Variants in GALNT17 observed in about 807,000 individuals in gnomAD.
The protein encoded by GALNT17 is UDP-GalNAc:polypeptide N-acetylgalactosaminyltransferase-like 3.
In GALNT17, 29 loss-of-function variants were observed where a neutral mutation model predicts 63.7. That is an observed-to-expected ratio of 0.46 (90% CI 0.34 to 0.62). The LOEUF (loss-of-function observed/expected upper bound fraction) is 0.62. Among genes scored for constraint, GALNT17 ranks in the 20% least tolerant of loss-of-function variants. The pLI is 0.01. For synonymous variants in GALNT17, 305 were observed against 318.3 expected, an observed-to-expected ratio of 0.96 and a Z score of 0.45; for missense variants, 603 against 799.6, an observed-to-expected ratio of 0.75 and a Z score of 2.97.
intron 1 of GALNT17, among the ~76,000 whole-genome samples, chr7:71,271,739 C>G (rs576058103): frequency 6.7e-6 from 1 of 149,154 alleles, no homozygotes; most frequent in African/African-American, 2.4e-5. Context: ...AATCACTGAT[C>G]TGTTCTCTAA....
chr7:71,164,639 A>G (rs927854391), intron 1 of GALNT17, among the ~76,000 whole-genome samples: 6 of 152,122 alleles, frequency 3.9e-5, no homozygotes, highest in African/African-American at 7.2e-5. Flanking sequence ...ACGAAATTCA[A>G]TAAGGGGGAA....
At chr7:71,396,965 A>G (rs537268838) in intron 3 of GALNT17, among the ~76,000 whole-genome samples, 252 of 152,140 alleles carry the variant, frequency 1.7e-3, no homozygotes, top group Middle Eastern at 3.4e-3. Flanking sequence ...TTCATGTTGT[A>G]TCCTTTAACT....
intron 5 of GALNT17, among the ~76,000 whole-genome samples, chr7:71,445,973 C>T (rs1238101231): frequency 6.6e-6 from 1 of 152,174 alleles, no homozygotes; most frequent in Non-Finnish European, 1.5e-5. Context: ...AAAAAAATCC[C>T]CTAAATCTTG....
intron 5 of GALNT17, among the ~76,000 whole-genome samples, chr7:71,552,196 C>A (rs1400491094): frequency 6.6e-6 from 1 of 151,984 alleles, no homozygotes; most frequent in East Asian, 1.9e-4. Context: ...AGGAGCATGC[C>A]ACCACACTTG....
At chr7:71,450,043 C>CA (rs35144500) in intron 5 of GALNT17, among the ~76,000 whole-genome samples, 1 of 140,108 alleles carries the variant, frequency 7.1e-6, no homozygotes, top group Admixed American at 7.1e-5. Context: ...AACTCCCTCT[C>CA]AAAAAAAAAA....
At chr7:71,141,099 T>G (rs918434261) in intron 1 of GALNT17, among the ~76,000 whole-genome samples, 3 of 151,464 alleles carry the variant, frequency 2.0e-5, no homozygotes, top group Admixed American at 1.3e-4. Flanking sequence ...CCAGGCGTGG[T>G]GACTCACGCC....
intron 2 of GALNT17, among the ~76,000 whole-genome samples, chr7:71,367,192 C>A (rs2527301): frequency 6.6e-6 from 1 of 152,134 alleles, no homozygotes; most frequent in Non-Finnish European, 1.5e-5. Flanking sequence ...TAATCTTATC[C>A]ATCTACTTCT....
chr7:71,593,193 CAATT>C (rs1789835900), intron 6 of GALNT17, among the ~76,000 whole-genome samples: 1 of 143,598 alleles, frequency 7.0e-6, no homozygotes, highest in South Asian at 2.2e-4. Context: ...TTTTTAAAAA[CAATT>C]AGTTTTGGGA....
At chr7:71,561,680 C>A (rs974644621) in intron 5 of GALNT17, among the ~76,000 whole-genome samples, 10 of 152,214 alleles carry the variant, frequency 6.6e-5, no homozygotes, top group Admixed American at 3.3e-4. Flanking sequence ...AGAACAGAGA[C>A]CAACGGGTGG....
Position 71,265,118 on chromosome 7 carries a change from A to ATATATTTTTT in GALNT17, c.239-70431_239-70430insATATTTTTTT, listed in dbSNP as rs1390488895. 6.9e-4 allele frequency among the ~76,000 whole-genome samples: 26 copies of ATATATTTTTT among 37,444 alleles called. 1 individual carries two copies. The highest frequency in any genetic ancestry group is 3.7e-3 in the South Asian group (3 of 806). 24.6% of individuals were successfully genotyped at this position (37,444 alleles called of 152,430 possible). A position where few individuals can be genotyped will look rare whatever the true frequency, so the allele number is the denominator to read the frequency against. On this transcript the variant is annotated intron_variant, in intron 1 of 10. Transcript: ENST00000333538. ...AAATATTATATATATATATATATAT[A>ATATATTTTTT]TTTTTTTTTTTTTTTTTTTTTTTTT...
rs182441173 is a variant in GALNT17 at position 71,366,447 on chromosome 7, G to C, written c.423-21788G>C. On this transcript the variant is annotated intron_variant, in intron 2 of 10. Transcript: ENST00000333538. ...AATACAAAAATTAGCTAGGCATGGT[G>C]GCGGGCGCCTGTAATCCCAGTTACT... 2.6e-3 allele frequency among the ~76,000 whole-genome samples: 395 copies of C among 152,290 alleles called. 3 individuals carry two copies. The highest frequency in any genetic ancestry group is 9.3e-3 in the African/African-American group (386 of 41,566).
At chr7:71,663,768 G>T (rs923573044) in intron 6 of GALNT17, among the ~76,000 whole-genome samples, 3 of 152,180 alleles carry the variant, frequency 2.0e-5, no homozygotes, top group Non-Finnish European at 2.9e-5. Flanking sequence ...AAGTCAAGAA[G>T]GGGGTATGTA....
At chr7:71,199,136 ACTTCACTGCG>A (rs1789114271) in intron 1 of GALNT17, among the ~76,000 whole-genome samples, 1 of 152,172 alleles carries the variant, frequency 6.6e-6, no homozygotes, top group Non-Finnish European at 1.5e-5. Context: ...TCATTTAAGC[ACTTCACTGCG>A]CTGCATGTCC....
At chr7:71,584,037 C>G (rs1789678906) in intron 6 of GALNT17, among the ~76,000 whole-genome samples, 1 of 152,044 alleles carries the variant, frequency 6.6e-6, no homozygotes, top group Non-Finnish European at 1.5e-5. Context: ...GAGGCTGAGG[C>G]AGGAGAATCA....
chr7:71,623,653 C>A (rs1046286549), intron 6 of GALNT17, among the ~76,000 whole-genome samples: 1 of 152,086 alleles, frequency 6.6e-6, no homozygotes, highest in Non-Finnish European at 1.5e-5. Flanking sequence ...CGAGGCTGGT[C>A]TCAAACTCCT....
rs1004875791 is a variant in GALNT17, at chr7:71,710,628, G to A, written c.1501-133G>A. The A allele has an allele frequency of 2.9e-6, 3 of 1,033,242 alleles. No homozygotes were observed. In the African/African-American group the frequency reaches 4.7e-5, roughly 16 times the overall value. The allele number at this position is 1,033,242 out of a possible 1,614,324, so 64.0% of individuals were successfully genotyped here. A position where few individuals can be genotyped will look rare whatever the true frequency, so the allele number is the denominator to read the frequency against. ...AGGTGAGCATATGGCCTGAGTGACA[G>A]GCTGGGATGGTGGCCAGGACTGCAG... On this transcript the variant is annotated intron_variant, in intron 9 of 10. Transcript: ENST00000333538.
At chr7:71,448,760 A>G (rs1787204513) in intron 5 of GALNT17, among the ~76,000 whole-genome samples, 1 of 152,222 alleles carries the variant, frequency 6.6e-6, no homozygotes, top group African/African-American at 2.4e-5. Context: ...TTCTTTTTAT[A>G]TAAATTTCAA....
chr7:71,386,689 C>T (rs1320563309), intron 2 of GALNT17, among the ~76,000 whole-genome samples: 4 of 152,056 alleles, frequency 2.6e-5, no homozygotes, highest in South Asian at 2.1e-4. Context: ...TCACTGCGCT[C>T]GGGCATATGA....
intron 6 of GALNT17, among the ~76,000 whole-genome samples, chr7:71,629,269 C>T (rs1323240383): frequency 6.6e-6 from 1 of 152,076 alleles, no homozygotes; most frequent in Non-Finnish European, 1.5e-5. Context: ...GCTGCTCCAG[C>T]CAGGAGCCAG....
Sources: gnomAD v4.1 joint callset for allele counts (sites outside exome capture counted in the v4.1 genomes callset) on GRCh38, gnomAD v4.1.1 for gene constraint, MANE v1.5 for transcripts, NCBI Gene and HGNC (gene_info 2026-07-23, HGNC 2026-07-21) for gene names.